ALK: variants seen among roughly 807,000 people sequenced by gnomAD.
ALK encodes ALK tyrosine kinase receptor.
In ALK, 74 loss-of-function variants were observed where a neutral mutation model predicts 163.1. The observed-to-expected ratio is 0.45, with a 90% CI of 0.38 to 0.55. The LOEUF is 0.55. Ranked by LOEUF, ALK falls within the 20% of genes least tolerant of loss-of-function variation. ALK has a pLI of 0.00. For missense variants in ALK, 2,063 were observed against 2,105.3 expected (o/e 0.98, Z 0.39); for synonymous variants, 960 against 843.2 (o/e 1.14, Z -2.40).
At chr2:29,280,408 G>A (rs1665681568) in intron 9 of ALK, among the ~76,000 whole-genome samples, 1 of 151,748 alleles carries the variant, frequency 6.6e-6, no homozygotes, top group Non-Finnish European at 1.5e-5. Flanking sequence ...GGACCACTCT[G>A]GGATGGGAGG....
At chr2:29,244,142 G>A (rs540336718) in intron 12 of ALK, among the ~76,000 whole-genome samples, 105 of 152,320 alleles carry the variant, frequency 6.9e-4, no homozygotes, top group African/African-American at 2.4e-3. Flanking sequence ...GTGGACTGCC[G>A]CTCAGAAAAA....
intron 3 of ALK, among the ~76,000 whole-genome samples, chr2:29,575,600 A>G (rs1674501598): frequency 6.6e-6 from 1 of 152,188 alleles, no homozygotes. Flanking sequence ...CACTATATAC[A>G]CCAATGAAAA....
chr2:29,534,758 T>A (rs1399224903), intron 3 of ALK, among the ~76,000 whole-genome samples: 1 of 152,362 alleles, frequency 6.6e-6, no homozygotes, highest in African/African-American at 2.4e-5. Flanking sequence ...TCTTTCTGTG[T>A]CACTGCTCCT....
chr2:29,751,834 A>G (rs1483890899), intron 1 of ALK, among the ~76,000 whole-genome samples: 1 of 152,154 alleles, frequency 6.6e-6, no homozygotes, highest in African/African-American at 2.4e-5. Flanking sequence ...CTCTTGTTCA[A>G]CCAATAAGTA....
chr2:29,383,872 G>T lies in ALK; in HGVS notation c.1155-13C>A. On this transcript the variant is annotated splice_polypyrimidine_tract_variant and intron_variant, in intron 4 of 28. Transcript: ENST00000389048. ...GAGCACTGTCCAACTGGTTGCATTG[G>T]AAAACAGAGGAGAAAAGCATAGAGA... The T allele has an allele frequency of 6.2e-7, 1 of 1,613,634 alleles. No individual in the cohort carries two copies. Among genetic ancestry groups the T allele is most frequent in the Non-Finnish European group, 8.5e-7 (1 of 1,179,932 alleles).
chr2:29,288,951 C>A (rs1443223441), intron 9 of ALK, among the ~76,000 whole-genome samples: 6 of 24,204 alleles, frequency 2.5e-4, no homozygotes, highest in South Asian at 3.1e-3. Context: ...GACTCCTTCT[C>A]AAAAAAATAA....
intron 4 of ALK, among the ~76,000 whole-genome samples, chr2:29,505,085 C>A (rs1306748867): frequency 1.3e-5 from 2 of 152,082 alleles, no homozygotes; most frequent in Non-Finnish European, 2.9e-5. Context: ...CAGTTATTAT[C>A]TGGGAGGCAT....
intron 1 of ALK, among the ~76,000 whole-genome samples, chr2:29,823,732 G>T (rs969828343): frequency 2.0e-5 from 3 of 152,160 alleles, no homozygotes; most frequent in African/African-American, 7.2e-5. Flanking sequence ...GGTGACTCTG[G>T]TGCTGTTAAA....
chr2:29,375,093 G>A (rs76643787), intron 5 of ALK, among the ~76,000 whole-genome samples: 10,626 of 152,172 alleles, frequency 0.07, 485 homozygotes, highest in Non-Finnish European at 0.11. Flanking sequence ...CCTCAGAGGA[G>A]CCAGTTTGTT....
At chr2:29,781,104 C>A (rs1444781386) in intron 1 of ALK, among the ~76,000 whole-genome samples, 1 of 152,280 alleles carries the variant, frequency 6.6e-6, no homozygotes, top group South Asian at 2.1e-4. Context: ...TCAGACATTG[C>A]CCCCAGGGAG....
chr2:29,456,893 G>A (rs576917148), intron 4 of ALK, among the ~76,000 whole-genome samples: 2 of 152,240 alleles, frequency 1.3e-5, no homozygotes, highest in Admixed American at 1.3e-4. Flanking sequence ...TATACAGAGT[G>A]TGCCCTTGCC....
At chr2:29,684,323 A>G (rs1050441342) in intron 3 of ALK, among the ~76,000 whole-genome samples, 4 of 152,148 alleles carry the variant, frequency 2.6e-5, no homozygotes, top group Non-Finnish European at 5.9e-5. Flanking sequence ...AGTCCCACCC[A>G]CTCAATTCAC....
chr2:29,746,315 T>G (rs990103262), intron 1 of ALK, among the ~76,000 whole-genome samples: 2 of 152,254 alleles, frequency 1.3e-5, no homozygotes, highest in Non-Finnish European at 2.9e-5. Flanking sequence ...TTAATTTTTA[T>G]GGAAAATGAC....
chr2:29,702,969 C>T (rs1001170698), intron 2 of ALK, among the ~76,000 whole-genome samples: 9 of 152,152 alleles, frequency 5.9e-5, no homozygotes, highest in African/African-American at 2.2e-4. Flanking sequence ...AGAATATGTG[C>T]TGTGTTTCTT....
At chr2:29,224,467 C>G (rs1663870640) in intron 19 of ALK, among the ~76,000 whole-genome samples, 1 of 152,154 alleles carries the variant, frequency 6.6e-6, no homozygotes. Flanking sequence ...CTAAAGAGCT[C>G]TACCAATGTG....
intron 3 of ALK, among the ~76,000 whole-genome samples, chr2:29,568,980 G>A (rs867979940): frequency 2.6e-5 from 4 of 152,048 alleles, no homozygotes; most frequent in South Asian, 2.1e-4. Context: ...GGGACAGGGC[G>A]GGGGATGAGT....
At chr2:29,507,292 G>A (rs1196792218) in intron 4 of ALK, among the ~76,000 whole-genome samples, 2 of 152,096 alleles carry the variant, frequency 1.3e-5, no homozygotes, top group African/African-American at 2.4e-5. Context: ...AAATACCATC[G>A]AATTCTACAT....
intron 3 of ALK, among the ~76,000 whole-genome samples, chr2:29,606,400 A>G (rs1034502674): frequency 6.6e-6 from 1 of 152,248 alleles, no homozygotes; most frequent in Non-Finnish European, 1.5e-5. Flanking sequence ...AATGGGATCT[A>G]CATGGGCCAT....
chr2:29,200,201 C>T (rs1427006064), intron 26 of ALK, among the ~76,000 whole-genome samples: 1 of 152,044 alleles, frequency 6.6e-6, no homozygotes, highest in Non-Finnish European at 1.5e-5. Context: ...ATCTTACTTC[C>T]CTTCAAGGCA....
Sources: allele counts gnomAD v4.1 joint callset (sites outside exome capture counted in the v4.1 genomes callset), GRCh38; gene constraint gnomAD v4.1.1; transcripts MANE v1.5; gene names NCBI Gene and HGNC (gene_info 2026-07-23, HGNC 2026-07-21).